The following L3MBTL3 variants were observed in gnomAD, a reference collection of about 807,000 sequenced individuals.
L3MBTL3 encodes the protein L3MBTL histone methyl-lysine binding protein 3, also known as lethal(3)malignant brain tumor-like protein 3.
In L3MBTL3, 27 loss-of-function variants were observed where a neutral mutation model predicts 102.3. The observed-to-expected ratio is 0.26, with a 90% CI of 0.19 to 0.36. The LOEUF is 0.36. Among genes scored for constraint, L3MBTL3 ranks in the 10% least tolerant of loss-of-function variants. The pLI, the probability that L3MBTL3 is intolerant of heterozygous loss-of-function variation, is 1.00. For missense variants in L3MBTL3, 798 were observed against 955.3 expected (o/e 0.84, Z 2.17); for synonymous variants, 340 against 320.9 (o/e 1.06, Z -0.64).
intron 15 of L3MBTL3, among the ~76,000 whole-genome samples, chr6:130,084,262 T>G (rs763696333): frequency 3.3e-5 from 5 of 152,166 alleles, no homozygotes; most frequent in Admixed American, 1.3e-4. Context: ...AAGGAAGGAA[T>G]AAGAAGTGAA....
At chr6:130,139,580 A>G in intron 22 of L3MBTL3, 30 bp from the exon 23 acceptor site, 3 of 1,602,906 alleles carry the variant, frequency 1.9e-6, no homozygotes, top group Non-Finnish European at 2.6e-6. Flanking sequence ...TTGTTAATCC[A>G]CATTCTGTTG....
chr6:130,096,021 T>C (rs1784342635), intron 18 of L3MBTL3, among the ~76,000 whole-genome samples: 1 of 152,246 alleles, frequency 6.6e-6, no homozygotes, highest in Non-Finnish European at 1.5e-5. Flanking sequence ...CTAATATTTA[T>C]TGAACATTTA....
intron 18 of L3MBTL3, among the ~76,000 whole-genome samples, chr6:130,096,512 TGGAA>T (rs1316880761): frequency 6.6e-6 from 1 of 152,210 alleles, no homozygotes; most frequent in African/African-American, 2.4e-5. Context: ...TTTGGTCTTC[TGGAA>T]GGAAGACACA....
intron 13 of L3MBTL3, among the ~76,000 whole-genome samples, chr6:130,075,486 G>A (rs1011610319): frequency 6.6e-6 from 1 of 152,298 alleles, no homozygotes; most frequent in Non-Finnish European, 1.5e-5. Flanking sequence ...CTAAACTTTA[G>A]TTGTCTTCTG....
intron 20 of L3MBTL3, among the ~76,000 whole-genome samples, chr6:130,123,531 A>G (rs1370166949): frequency 6.6e-6 from 1 of 152,180 alleles, no homozygotes; most frequent in Non-Finnish European, 1.5e-5. Flanking sequence ...TGTCTCATCC[A>G]GCTGTAGCCT....
chr6:130,136,898 A>T (rs2114473421), intron 22 of L3MBTL3, among the ~76,000 whole-genome samples: 1 of 152,276 alleles, frequency 6.6e-6, no homozygotes, highest in Admixed American at 6.5e-5. Flanking sequence ...AATTACACTC[A>T]TGAGCCGCTG....
At chr6:130,061,959 G>A (rs1781925938) in intron 10 of L3MBTL3, among the ~76,000 whole-genome samples, 1 of 152,158 alleles carries the variant, frequency 6.6e-6, no homozygotes, top group Admixed American at 6.5e-5. Context: ...AGGAGCATGA[G>A]GGAATTGTGT....
At chr6:130,072,730 A>G (rs558696719) in intron 13 of L3MBTL3, among the ~76,000 whole-genome samples, 7 of 152,184 alleles carry the variant, frequency 4.6e-5, no homozygotes, top group African/African-American at 2.4e-5. Flanking sequence ...AGAGCATTTC[A>G]GTATATATCT....
Position 130,140,842 on chromosome 6 carries a change from G to A in L3MBTL3, c.*1089G>A, listed in dbSNP as rs766944691. On this transcript the variant is annotated 3_prime_UTR_variant, in exon 23 of 23. Transcript: ENST00000361794. ...GACAAGGTGTGAAGGAGCAACTTCA[G>A]TTGACACAAAATTTGAAATGCTCAC... The A allele has an allele frequency of 1.3e-5, 2 of 152,522 alleles. No individual in the cohort carries two copies. Among genetic ancestry groups the A allele is most frequent in the Non-Finnish European group, 2.9e-5 (2 of 68,036 alleles). 9.4% of individuals were successfully genotyped at this position (152,522 alleles called of 1,614,324 possible). A position where few individuals can be genotyped will look rare whatever the true frequency, so the allele number is the denominator to read the frequency against.
intron 19 of L3MBTL3, among the ~76,000 whole-genome samples, chr6:130,118,671 A>T (rs540516529): frequency 1.5e-4 from 23 of 152,330 alleles, no homozygotes; most frequent in African/African-American, 5.5e-4. Context: ...AAAAATACAT[A>T]TCTGTGTTTA....
At chr6:130,113,201 C>G (rs1462918478) in intron 19 of L3MBTL3, among the ~76,000 whole-genome samples, 1 of 152,098 alleles carries the variant, frequency 6.6e-6, no homozygotes, top group Non-Finnish European at 1.5e-5. Context: ...AGGCACTGCT[C>G]CCGGAGGTAC....
intron 2 of L3MBTL3, among the ~76,000 whole-genome samples, chr6:130,022,736 G>A (rs1390149346): frequency 1.3e-5 from 2 of 152,120 alleles, no homozygotes; most frequent in Admixed American, 6.5e-5. Context: ...ATTTACATTG[G>A]GTGCTTTGGG....
At chr6:130,062,180 T>C (rs1781938650) in intron 10 of L3MBTL3, among the ~76,000 whole-genome samples, 1 of 152,198 alleles carries the variant, frequency 6.6e-6, no homozygotes, top group Non-Finnish European at 1.5e-5. Context: ...TTGCTCATTA[T>C]GAAAACTTCA....
intron 5 of L3MBTL3, among the ~76,000 whole-genome samples, chr6:130,050,168 C>T (rs1455117022): frequency 6.6e-6 from 1 of 152,206 alleles, no homozygotes; most frequent in Non-Finnish European, 1.5e-5. Context: ...CCAATTGGTC[C>T]TGCACCTTGA....
intron 2 of L3MBTL3, among the ~76,000 whole-genome samples, chr6:130,027,506 G>T (rs532753098): frequency 1.3e-5 from 2 of 152,098 alleles, no homozygotes; most frequent in Non-Finnish European, 2.9e-5. Context: ...GTAATTCACC[G>T]TATTGGTTTG....
intron 2 of L3MBTL3, among the ~76,000 whole-genome samples, chr6:130,023,568 T>A (rs1042185525): frequency 6.6e-6 from 1 of 152,214 alleles, no homozygotes; most frequent in Non-Finnish European, 1.5e-5. Flanking sequence ...AATAACTAGA[T>A]ATATCACCTT....
intron 20 of L3MBTL3, among the ~76,000 whole-genome samples, chr6:130,125,144 G>A (rs1786510841): frequency 6.6e-6 from 1 of 152,114 alleles, no homozygotes; most frequent in South Asian, 2.1e-4. Context: ...CTGACTACAT[G>A]GTGGGGAGTA....
rs1015249405 is a variant in L3MBTL3 at position 130,061,263 on chromosome 6, T to G, written c.864+1123T>G. Among the ~76,000 whole-genome samples the G allele has an allele frequency of 8.5e-5, 13 of 152,106 alleles. 1 individual carries two copies. Among genetic ancestry groups the G allele is most frequent in the South Asian group, 4.2e-4 (2 of 4,814 alleles). ...CCTTGCCTGGCTAGTTTTTATATTTTTAGTAGAGATGAGGTTTCGCCATGT... is the reference window on the plus strand; with the variant it reads ...CCTTGCCTGGCTAGTTTTTATATTTGTAGTAGAGATGAGGTTTCGCCATGT... On this transcript the variant is annotated intron_variant, in intron 10 of 22. Transcript: ENST00000361794.
intron 6 of L3MBTL3, among the ~76,000 whole-genome samples, chr6:130,052,199 C>T (rs1173361518): frequency 6.6e-6 from 1 of 152,032 alleles, no homozygotes; most frequent in East Asian, 1.9e-4. Flanking sequence ...TCCACATTCC[C>T]AGGTTCAAGC....
Sources: allele counts gnomAD v4.1 joint callset (sites outside exome capture counted in the v4.1 genomes callset), GRCh38; gene constraint gnomAD v4.1.1; transcripts MANE v1.5; gene names NCBI Gene and HGNC (gene_info 2026-07-23, HGNC 2026-07-21).